Variants in UNK observed in about 807,000 individuals in gnomAD.
UNK encodes RING finger protein unkempt homolog.
In UNK, 32 loss-of-function variants were observed where a neutral mutation model predicts 97.6. The observed-to-expected ratio is 0.33, with a 90% CI of 0.25 to 0.44. UNK has a LOEUF of 0.44. UNK is among the 20% of genes least tolerant of loss of function. The pLI, the probability that UNK is intolerant of heterozygous loss-of-function variation, is 1.00. For missense variants in UNK, 771 were observed against 1,098.4 expected, an observed-to-expected ratio of 0.70 and a Z score of 4.21; for synonymous variants, 441 against 461.2, an observed-to-expected ratio of 0.96 and a Z score of 0.56.
chr17:75,787,789 C>T (rs1488210705), intron 1 of UNK, among the ~76,000 whole-genome samples: 2 of 150,514 alleles, frequency 1.3e-5, no homozygotes, highest in Non-Finnish European at 3.0e-5. Context: ...TGTGCCACTG[C>T]ACTCCAACCT....
Position 75,814,436 on chromosome 17 carries a change from G to C in UNK, c.876+558G>C, listed in dbSNP as rs552391933. Among the ~76,000 whole-genome samples the C allele has an allele frequency of 7.1e-5, 10 of 141,024 alleles. No homozygotes were observed. The South Asian group carries it at 2.2e-3, about 31-fold the overall frequency. The allele number at this position is 141,024 out of a possible 152,430, so 92.5% of individuals were successfully genotyped here. ...GAACCCGGGAGGCGGAAGTTGCAGTGAGCCAAGATCGCACCACTGCACTCC... is the reference window on the plus strand; with the variant it reads ...GAACCCGGGAGGCGGAAGTTGCAGTCAGCCAAGATCGCACCACTGCACTCC... On this transcript the variant is annotated intron_variant, in intron 6 of 15. Transcript: ENST00000589666.
chr17:75,787,522 T>TC (rs1212510235), intron 1 of UNK, among the ~76,000 whole-genome samples: 1 of 149,506 alleles, frequency 6.7e-6, no homozygotes, highest in African/African-American at 2.5e-5. Context: ...TTTTTTTTTT[T>TC]CCTCTTCTTA....
chr17:75,820,835 G>A (rs118029725), intron 13 of UNK, among the ~76,000 whole-genome samples: 4 of 152,208 alleles, frequency 2.6e-5, no homozygotes, highest in East Asian at 1.9e-4. Flanking sequence ...CTCCCTCCCC[G>A]AGAGTGCCAG....
At chr17:75,806,630 G>C (rs1202536738) in intron 1 of UNK, among the ~76,000 whole-genome samples, 2 of 150,844 alleles carry the variant, frequency 1.3e-5, no homozygotes, top group African/African-American at 4.9e-5. Context: ...AACATTAGCT[G>C]GGCGTGGTGG....
At chr17:75,813,670 C>A in intron 5 of UNK, 91 bp from the exon 6 acceptor site, 1 of 1,097,974 alleles carries the variant, frequency 9.1e-7, no homozygotes, top group South Asian at 1.5e-5. Context: ...TTTCTGTGCT[C>A]ATGCCTATGA....
Position 75,812,729 on chromosome 17 carries a change from G to A in UNK, c.622+144G>A. 3 of 1,298,340 alleles carry A rather than the reference G, an allele frequency of 2.3e-6. No homozygotes were observed. The Admixed American group carries it at 8.7e-5, about 38-fold the overall frequency. The allele number at this position is 1,298,340 out of a possible 1,614,324, so 80.4% of individuals were successfully genotyped here. ...CCCACCCTACACCCACCATTCAAAAGGCGCCTCTAGGGGCGTTTTCCCTGA... is the reference window on the plus strand; with the variant it reads ...CCCACCCTACACCCACCATTCAAAAAGCGCCTCTAGGGGCGTTTTCCCTGA... On this transcript the variant is annotated intron_variant, in intron 4 of 15. Transcript: ENST00000589666.
At chr17:75,810,649 C>T (rs1373229203) in intron 2 of UNK, among the ~76,000 whole-genome samples, 1 of 152,016 alleles carries the variant, frequency 6.6e-6, no homozygotes, top group African/African-American at 2.4e-5. Flanking sequence ...GCAGCATCCT[C>T]GCTGCACCCT....
Position 75,818,620 on chromosome 17 carries a change from C to A in UNK, c.1372-22C>A. 1 of 1,572,372 alleles carries A rather than the reference C, an allele frequency of 6.4e-7. No individual in the cohort carries two copies. Among genetic ancestry groups the A allele is most frequent in the Non-Finnish European group, 8.6e-7 (1 of 1,156,382 alleles). ...CGTATGCAGGCCTACCATTGCTTCT[C>A]CTCTTCCCTCTCTCGTTGCAGGACA... is the stretch of plus-strand genomic sequence containing the variant. On this transcript the variant is annotated intron_variant, in intron 10 of 15. Transcript: ENST00000589666. This position sits in a 1 kb window ranked among gnomAD's most constrained non-coding sequence, Gnocchi z 5.1.
At chr17:75,813,517 C>G (rs188139420) in intron 5 of UNK, among the ~76,000 whole-genome samples, 188 of 152,300 alleles carry the variant, frequency 1.2e-3, no homozygotes, top group Non-Finnish European at 2.2e-3. Flanking sequence ...GTAGCTCCAG[C>G]CTGACCCTAC....
chr17:75,812,931 G>A, intron 4 of UNK, 147 bp from the exon 5 acceptor site: 2 of 1,193,988 alleles, frequency 1.7e-6, no homozygotes, highest in Admixed American at 2.9e-5. Flanking sequence ...CCATGGCCTG[G>A]GAGGAGGGGC....
At position 75,817,949 on chromosome 17, in the gene UNK, G is replaced by T. The variant is rs574812882; in HGVS notation, c.1306-154G>T. ...TGCTTAGGGTAGGGGAAGGGAGTAG[G>T]GGGTGGGGAGGAAGAAGGGGGTGTG... On this transcript the variant is annotated intron_variant, in intron 9 of 15. Transcript: ENST00000589666. This position sits in a 1 kb window ranked among gnomAD's most constrained non-coding sequence, Gnocchi z 5.8. Among the ~76,000 whole-genome samples, 33 of 152,126 alleles carry T rather than the reference G, an allele frequency of 2.2e-4. No individual in the cohort carries two copies. The highest frequency in any genetic ancestry group is 8.0e-4 in the African/African-American group (33 of 41,498).
In UNK at chr17:75,822,485, G is replaced by T; in HGVS notation, c.1846G>T (p.Gly616Trp). The T allele has an allele frequency of 6.2e-7, 1 of 1,612,324 alleles. No homozygotes were observed. The highest frequency in any genetic ancestry group is 8.5e-7 in the Non-Finnish European group (1 of 1,179,172). Residue 616 changes from glycine (G) to tryptophan (W), a missense_variant, in exon 14 of 16, where the codon GGG becomes TGG. Coordinates refer to ENST00000589666, the MANE Select transcript of UNK (RefSeq NM_001080419.3). ...TCCCCTCCTTGGGGCAGGTCTGAAC[G>T]GGATGAACAGCAGCATCTGGGAGCA... ...SASHGSLGLN[G>W]MNSSIWEHFA...
At chr17:75,814,164 G>A (rs2061995994) in intron 6 of UNK, among the ~76,000 whole-genome samples, 1 of 141,232 alleles carries the variant, frequency 7.1e-6, no homozygotes, top group Non-Finnish European at 1.6e-5. Flanking sequence ...GGCCACTCTG[G>A]GCTTTCCACC....
At chr17:75,795,237 C>T (rs573639078) in intron 1 of UNK, among the ~76,000 whole-genome samples, 1 of 152,204 alleles carries the variant, frequency 6.6e-6, no homozygotes, top group Admixed American at 6.5e-5. Context: ...TTAGTTTAAA[C>T]ATATTACTAA....
rs754081417 is a variant in UNK, at chr17:75,818,845, C to G, written c.1546+29C>G. 6 of 1,545,894 alleles carry G rather than the reference C, an allele frequency of 3.9e-6. No individual in the cohort carries two copies. Among genetic ancestry groups the G allele is most frequent in the East Asian group, 4.8e-5 (2 of 42,008 alleles). On this transcript the variant is annotated intron_variant, in intron 11 of 15. Transcript: ENST00000589666. This position sits in a 1 kb window ranked among gnomAD's most constrained non-coding sequence, Gnocchi z 5.1. ...ACTAGGCCATTTCTGTTTGAAAGCC[C>G]AGGACTGGGTCTGGGGTCAGAGACC...
chr17:75,812,367 A>G, intron 3 of UNK, 79 bp downstream of exon 3: 1 of 1,580,806 alleles, frequency 6.3e-7, no homozygotes, highest in Non-Finnish European at 8.6e-7. Context: ...GATGGTGAGT[A>G]CCTCAGACTG....
intron 2 of UNK, 65 bp from the exon 3 acceptor site, chr17:75,812,047 G>T: frequency 6.6e-7 from 1 of 1,506,108 alleles, no homozygotes; most frequent in Middle Eastern, 1.8e-4. Context: ...GTAAGGGCAG[G>T]GGGTAGGCAG....
In UNK at chr17:75,816,875, T is replaced by C; in HGVS notation, c.1067T>C (p.Val356Ala). The change falls in exon 8 of 16, where the codon GTG becomes GCG. Residue 356 changes from valine to alanine, a missense_variant. Physicochemically the swap from Val to Ala is moderately conservative, Grantham distance 64 (BLOSUM62 0). Coordinates refer to ENST00000589666, the MANE Select transcript of UNK (RefSeq NM_001080419.3). This position sits in a 1 kb window ranked among gnomAD's most constrained non-coding sequence, Gnocchi z 4.0. ...TCTGCCGCCGGAGACTCGGTGCCTG[T>C]GAGCCCCTCCAGCCCGCATGCCCCT... is the stretch of plus-strand genomic sequence containing the variant. ...MPSAAGDSVP[V>A]SPSSPHAPDL... is the part of the protein sequence containing the mutation. 6.2e-7 allele frequency: 1 copy of C among 1,606,990 alleles called. No homozygotes were observed. The highest frequency in any genetic ancestry group is 1.1e-5 in the South Asian group (1 of 90,678).
Position 75,816,217 on chromosome 17 carries a change from T to C in UNK, c.962-553T>C, listed in dbSNP as rs558260079. Among the ~76,000 whole-genome samples the C allele has an allele frequency of 5.9e-5, 9 of 152,284 alleles. No individual in the cohort carries two copies. The Middle Eastern group carries it at 0.014, about 230-fold the overall frequency. ...CCAGTCTCAGAGACAGAGCTCCAGT[T>C]TGTACCTGTTAACACCTCTTTCCAC... is the stretch of plus-strand genomic sequence containing the variant. On this transcript the variant is annotated intron_variant, in intron 7 of 15. Coordinates refer to ENST00000589666, the MANE Select transcript of UNK (RefSeq NM_001080419.3). This position sits in a 1 kb window ranked among gnomAD's most constrained non-coding sequence, Gnocchi z 4.0.
Sources: allele counts gnomAD v4.1 joint callset (sites outside exome capture counted in the v4.1 genomes callset), GRCh38; gene constraint gnomAD v4.1.1; non-coding constraint Gnocchi (gnomAD v3.1); transcripts MANE v1.5; gene names NCBI Gene and HGNC (gene_info 2026-07-23, HGNC 2026-07-21).